The following PTDSS2 variants were observed in gnomAD, a reference collection of about 807,000 sequenced individuals.
The protein encoded by PTDSS2 is phosphatidylserine synthase 2, also known as PSS-2.
A neutral mutation model predicts 64.7 loss-of-function variants in PTDSS2; 41 were observed. The ratio of observed to expected loss-of-function variants is 0.63; its 90% confidence interval spans 0.49 to 0.82. The LOEUF (loss-of-function observed/expected upper bound fraction) is 0.82, where lower values mean the gene tolerates loss of function less well. Ranked by LOEUF, PTDSS2 falls within the 40% of genes least tolerant of loss-of-function variation. The probability of loss-of-function intolerance (pLI) is 0.00; values close to 1 mark genes in which losing one functional copy is unlikely to be tolerated. For missense variants in PTDSS2, 485 were observed against 650.0 expected, an observed-to-expected ratio of 0.75 and a Z score of 2.76; for synonymous variants, 297 against 277.8, an observed-to-expected ratio of 1.07 and a Z score of -0.69.
intron 4 of PTDSS2, among the ~76,000 whole-genome samples, chr11:483,729 A>AT (rs979605585): frequency 2.8e-4 from 42 of 151,986 alleles, no homozygotes; most frequent in Non-Finnish European, 5.4e-4. Context: ...TTTATCTAAG[A>AT]TTTTTGCATC....
chr11:451,712 G>A (rs752491867), intron 1 of PTDSS2, among the ~76,000 whole-genome samples: 4 of 152,208 alleles, frequency 2.6e-5, no homozygotes, highest in South Asian at 2.1e-4. Context: ...AGGGGAAGGC[G>A]CCACCACAGA....
At chr11:456,455 G>A (rs893301279) in intron 1 of PTDSS2, among the ~76,000 whole-genome samples, 6 of 151,842 alleles carry the variant, frequency 4.0e-5, no homozygotes, top group Non-Finnish European at 2.9e-5. Flanking sequence ...GGAATTACAG[G>A]TGTGAGCCAC....
intron 4 of PTDSS2, chr11:480,070 C>T (rs1213060345): frequency 6.5e-6 from 1 of 152,822 alleles, no homozygotes; most frequent in Non-Finnish European, 1.5e-5. Context: ...CCTTGGTAGT[C>T]ATACCCGGCC....
At chr11:483,766 A>G (rs1848170658) in intron 4 of PTDSS2, among the ~76,000 whole-genome samples, 1 of 152,020 alleles carries the variant, frequency 6.6e-6, no homozygotes. Context: ...ACTGTCCTTT[A>G]ATTTTCCTGG....
At chr11:451,522 C>T (rs1395789540) in intron 1 of PTDSS2, 9 of 324,620 alleles carry the variant, frequency 2.8e-5, no homozygotes, top group South Asian at 1.1e-4. Context: ...GTGGAAGGCC[C>T]GGGGGCACAG....
chr11:490,669 C>A lies in PTDSS2; in HGVS notation c.*87C>A. 7.3e-7 allele frequency: 1 copy of A among 1,369,292 alleles called. No homozygotes were observed. The highest frequency in any genetic ancestry group is 9.8e-7 in the Non-Finnish European group (1 of 1,022,348). 84.8% of individuals were successfully genotyped at this position (1,369,292 alleles called of 1,614,324 possible). On this transcript the variant is annotated 3_prime_UTR_variant, in exon 12 of 12. Transcript: ENST00000308020. ...TGAGTCCCACCAGGAGCCACGTGCCCGGCCTTGCCCTCAAGGTTTTTTGCT... is the reference window on the plus strand; with the variant it reads ...TGAGTCCCACCAGGAGCCACGTGCCAGGCCTTGCCCTCAAGGTTTTTTGCT...
In PTDSS2 at chr11:461,424, C is replaced by T. The variant is rs940992451; in HGVS notation, c.284+1136C>T. On this transcript the variant is annotated intron_variant, in intron 2 of 11. Transcript: ENST00000308020. This position sits in a 1 kb window ranked among gnomAD's most constrained non-coding sequence, Gnocchi z 4.2. ...ATAACTGAGTCCATCTCCCTGGGGG[C>T]AGTGGGGCATTTCTGGTTAGAAATT... 2.0e-5 allele frequency among the ~76,000 whole-genome samples: 3 copies of T among 152,146 alleles called. No homozygotes were observed. Among genetic ancestry groups the T allele is most frequent in the Non-Finnish European group, 2.9e-5 (2 of 68,026 alleles).
chr11:456,329 C>T (rs1435408018), intron 1 of PTDSS2, among the ~76,000 whole-genome samples: 2 of 150,702 alleles, frequency 1.3e-5, no homozygotes, highest in South Asian at 2.1e-4. Flanking sequence ...CATGCGCCAC[C>T]ACATCCAGTT....
rs561757944 is a variant in PTDSS2 at position 479,370 on chromosome 11, C to T, written c.435+218C>T. The T allele has an allele frequency of 5.1e-5, 31 of 603,938 alleles. No individual in the cohort carries two copies. The highest frequency in any genetic ancestry group is 2.5e-4 in the African/African-American group (13 of 53,022). 37.4% of individuals were successfully genotyped at this position (603,938 alleles called of 1,614,324 possible). On this transcript the variant is annotated intron_variant, in intron 4 of 11. Transcript: ENST00000308020. The surrounding 1 kb of genome is among the most constrained non-coding windows in gnomAD (Gnocchi z 4.2). Reference sequence around the variant, plus strand: ...AAAGCTAGACCTTCAAAACGTAGGCCGAGCTGCGGGGGGCCTCCAGGAGCA... The same window carrying T: ...AAAGCTAGACCTTCAAAACGTAGGCTGAGCTGCGGGGGGCCTCCAGGAGCA...
intron 5 of PTDSS2, 98 bp from the exon 6 acceptor site, chr11:487,322 G>T (rs1343636717): frequency 8.4e-7 from 1 of 1,187,896 alleles, no homozygotes; most frequent in Non-Finnish European, 1.3e-6. Flanking sequence ...TTCTTCCCGG[G>T]GTCTGGCAGG....
At chr11:455,633 G>A (rs1170747471) in intron 1 of PTDSS2, among the ~76,000 whole-genome samples, 1 of 152,212 alleles carries the variant, frequency 6.6e-6, no homozygotes, top group African/African-American at 2.4e-5. Flanking sequence ...AGAACTGCTG[G>A]GGATGGAGGC....
intron 3 of PTDSS2, among the ~76,000 whole-genome samples, chr11:474,535 T>C (rs1847631563): frequency 6.6e-6 from 1 of 152,176 alleles, no homozygotes; most frequent in Non-Finnish European, 1.5e-5. Flanking sequence ...TTGAAGTGGT[T>C]GCCCAGCGCA....
chr11:481,788 T>C (rs973273396), intron 4 of PTDSS2, among the ~76,000 whole-genome samples: 1 of 152,180 alleles, frequency 6.6e-6, no homozygotes, highest in African/African-American at 2.4e-5. Context: ...TTATGTCATC[T>C]ACAAATAGAG....
At chr11:474,249 G>C (rs1251201745) in intron 3 of PTDSS2, among the ~76,000 whole-genome samples, 2 of 152,138 alleles carry the variant, frequency 1.3e-5, no homozygotes, top group African/African-American at 4.8e-5. Context: ...TCCTGCTTCT[G>C]CCTCCTCTTT....
intron 10 of PTDSS2, 65 bp downstream of exon 10, chr11:489,798 A>G (rs1266734009): frequency 6.4e-7 from 1 of 1,564,656 alleles, no homozygotes; most frequent in African/African-American, 1.4e-5. Flanking sequence ...GCTGGGGAGC[A>G]GAGCCTGGGA....
At chr11:459,467 A>ATG (rs1590617529) in intron 1 of PTDSS2, 1 of 152,884 alleles carries the variant, frequency 6.5e-6, no homozygotes, top group Non-Finnish European at 1.5e-5. Flanking sequence ...ACTCCGATGG[A>ATG]TGTAGGAACT....
At chr11:478,187 A>G (rs978717367) in intron 3 of PTDSS2, among the ~76,000 whole-genome samples, 3 of 152,072 alleles carry the variant, frequency 2.0e-5, no homozygotes, top group Non-Finnish European at 2.9e-5. Context: ...AAAAATTCAC[A>G]TTCATCCATG....
chr11:460,046 C>A lies in PTDSS2; in HGVS notation c.183-141C>A. On this transcript the variant is annotated intron_variant, in intron 1 of 11. Transcript: ENST00000308020. The surrounding 1 kb of genome is among the most constrained non-coding windows in gnomAD (Gnocchi z 5.8). ...TCTCGGAGTTACCCAGCTAGGGACT[C>A]GCAGCCAGTTGCTGGTTGGGAGTTG... 1.5e-6 allele frequency: 1 copy of A among 662,662 alleles called. No individual in the cohort carries two copies. Among genetic ancestry groups the A allele is most frequent in the Non-Finnish European group, 2.7e-6 (1 of 366,984 alleles). 41.0% of individuals were successfully genotyped at this position (662,662 alleles called of 1,614,324 possible).
intron 8 of PTDSS2, 70 bp downstream of exon 8, chr11:488,717 C>G: frequency 8.9e-7 from 1 of 1,129,542 alleles, no homozygotes; most frequent in East Asian, 2.4e-5. Context: ...CGTCCGTGCT[C>G]CAGCAGACCC....
Sources: allele counts gnomAD v4.1 joint callset (sites outside exome capture counted in the v4.1 genomes callset), GRCh38; gene constraint gnomAD v4.1.1; non-coding constraint Gnocchi (gnomAD v3.1); transcripts MANE v1.5; gene names NCBI Gene and HGNC (gene_info 2026-07-23, HGNC 2026-07-21).